The following RASAL1 variants were observed in gnomAD, a reference collection of about 807,000 sequenced individuals.
RASAL1 encodes the protein RAS protein activator like 1, also known as rasGAP-activating-like protein 1.
A neutral mutation model predicts 96.6 loss-of-function variants in RASAL1; 72 were observed. The ratio of observed to expected loss-of-function variants is 0.75; its 90% CI spans 0.62 to 0.91. The LOEUF is 0.91. RASAL1 is among the 40% of genes least tolerant of loss of function. The pLI is 0.00. For synonymous variants in RASAL1, 405 were observed against 430.4 expected (o/e 0.94, Z 0.73); for missense variants, 1,016 against 1,072.5 (o/e 0.95, Z 0.74).
Position 113,135,221 on chromosome 12 carries a change from G to C in RASAL1, c.65+177C>G, listed in dbSNP as rs542191028. ...TAACTCTAGGCGCCCCCCTCCCACC[G>C]GGACAGCCATGGGCATGCGGCCTCT... On this transcript the variant is annotated intron_variant, in intron 1 of 20. Coordinates refer to ENST00000548055, the MANE Select transcript of RASAL1 (RefSeq NM_001301202.2). This position sits in a 1 kb window ranked among gnomAD's most constrained non-coding sequence, Gnocchi z 5.7. Among the ~76,000 whole-genome samples the C allele has an allele frequency of 1.3e-5, 2 of 151,996 alleles. No homozygotes were observed. The highest frequency in any genetic ancestry group is 2.9e-5 in the Non-Finnish European group (2 of 67,974).
chr12:113,114,863 C>T lies in RASAL1; in HGVS notation c.1118G>A (p.Arg373His), dbSNP rs201565397. The change falls in exon 12 of 21, where the codon CGT becomes CAT. Residue 373 changes from arginine (R) to histidine (H), a missense_variant. By Grantham distance (29) the Arg-to-His change is conservative. Coordinates refer to ENST00000548055, the MANE Select transcript of RASAL1 (RefSeq NM_001301202.2). ...LHEVLKPVISRVFEEKKYMEL... is the reference protein window; with the variant it reads ...LHEVLKPVISHVFEEKKYMEL... ...CATGTACTTCTTCTCCTCAAAGACA[C>T]GGCTAATCACAGGCTTCAGGACCTC... The T allele has an allele frequency of 2.9e-5, 47 of 1,614,170 alleles. No homozygotes were observed. The highest frequency in any genetic ancestry group is 1.3e-4 in the African/African-American group (10 of 75,062).
intron 13 of RASAL1, among the ~76,000 whole-genome samples, chr12:113,110,448 T>C (rs1824277): frequency 0.11 from 16,854 of 151,996 alleles, 1,114 homozygotes; most frequent in Middle Eastern, 0.19. Flanking sequence ...TACGTAAGAG[T>C]TCATCTCACC....
At position 113,107,814 on chromosome 12, in the gene RASAL1, T is replaced by G. The variant is rs528160094; in HGVS notation, c.1512+271A>C. Reference sequence around the variant, plus strand: ...ATCTCAAGTTGTTGCCCTTTGCAAATGATGATCTAATTCATACTAAGGTGT... The same window carrying G: ...ATCTCAAGTTGTTGCCCTTTGCAAAGGATGATCTAATTCATACTAAGGTGT... On this transcript the variant is annotated intron_variant, in intron 14 of 20. Transcript: ENST00000548055. 2.0e-5 allele frequency among the ~76,000 whole-genome samples: 3 copies of G among 152,334 alleles called. No homozygotes were observed. In the East Asian group the frequency reaches 5.8e-4, roughly 29 times the overall value.
chr12:113,135,562 C>A lies in RASAL1; in HGVS notation c.-100G>T. ...ACCTGCTTCAAGCCTGGCTCCCTGC[C>A]TCGTGGTCCCAGTGCCGCCTGTCCG... is the stretch of plus-strand genomic sequence containing the variant. On this transcript the variant is annotated 5_prime_UTR_variant, in exon 1 of 21. It adds an upstream start codon to the 5' untranslated region. Transcript: ENST00000548055. This position sits in a 1 kb window ranked among gnomAD's most constrained non-coding sequence, Gnocchi z 5.7. 1 of 1,050,246 alleles carries A rather than the reference C, an allele frequency of 9.5e-7. No homozygotes were observed. Among genetic ancestry groups the A allele is most frequent in the Admixed American group, 2.2e-5 (1 of 45,940 alleles). 65.1% of individuals were successfully genotyped at this position (1,050,246 alleles called of 1,614,324 possible).
intron 8 of RASAL1, 103 bp downstream of exon 8, chr12:113,116,970 G>A (rs950068292): frequency 4.7e-6 from 4 of 843,378 alleles, no homozygotes; most frequent in Non-Finnish European, 7.2e-6. Context: ...TGCATGAAGT[G>A]GCATAGTGAT....
Position 113,129,402 on chromosome 12 carries a change from G to A in RASAL1, c.123-1224C>T, listed in dbSNP as rs1023892377. On this transcript the variant is annotated intron_variant, in intron 2 of 20. Transcript: ENST00000548055. This position sits in a 1 kb window ranked among gnomAD's most constrained non-coding sequence, Gnocchi z 5.0. ...AGGAAGGTGCCTGGTGGGAATGGGG[G>A]AGGGAGAGGGGCCAGGAGACAGGAG... Among the ~76,000 whole-genome samples the A allele has an allele frequency of 6.6e-6, 1 of 152,216 alleles. No homozygotes were observed.
chr12:113,104,310 G>T lies in RASAL1; in HGVS notation c.1831-12C>A. ...ATGGAGTGACACATCTGGGGAAGAG[G>T]ATTGTCGCTGCAGGATGGGCTGGGG... is the stretch of plus-strand genomic sequence containing the variant. On this transcript the variant is annotated splice_polypyrimidine_tract_variant and intron_variant, in intron 16 of 20. Transcript: ENST00000548055. 6.4e-7 allele frequency: 1 copy of T among 1,550,996 alleles called. No individual in the cohort carries two copies. The highest frequency in any genetic ancestry group is 1.2e-5 in the South Asian group (1 of 84,322).
Position 113,117,115 on chromosome 12 carries a change from C to A in RASAL1, c.689G>T (p.Trp230Leu), listed in dbSNP as rs749900472. 1 of 1,610,952 alleles carries A rather than the reference C, an allele frequency of 6.2e-7. No homozygotes were observed. The part of the protein sequence containing the change: ...KTLQQKPPKG[W>L]FRLLPFPRAE... ...TCTGGGAAAGGGCAGGAGGCGGAAC[C>A]AGCCTTTAGGTGGCTTCTGCTGGAG... Residue 230 changes from tryptophan to leucine, a missense_variant, in exon 8 of 21, where the codon TGG (tryptophan) becomes TTG (leucine). Coordinates refer to ENST00000548055, the MANE Select transcript of RASAL1 (RefSeq NM_001301202.2).
chr12:113,101,783 C>T, intron 19 of RASAL1, 106 bp downstream of exon 19: 1 of 1,416,388 alleles, frequency 7.1e-7, no homozygotes, highest in Non-Finnish European at 9.4e-7. Context: ...GGGGAATATC[C>T]ACCAACACAC....
At position 113,130,804 on chromosome 12, in the gene RASAL1, T is replaced by C. The variant is rs1951676739; in HGVS notation, c.122+81A>G. On this transcript the variant is annotated intron_variant, in intron 2 of 20. Transcript: ENST00000548055. The surrounding 1 kb of genome is among the most constrained non-coding windows in gnomAD (Gnocchi z 5.1). ...CCCTCAGGGTAAGCACTCCTTTAAA[T>C]GTGAATTCTTGGTCCCAGATTCCCC... The C allele has an allele frequency of 2.4e-6, 3 of 1,224,898 alleles. No homozygotes were observed. Among genetic ancestry groups the C allele is most frequent in the Non-Finnish European group, 3.5e-6 (3 of 856,632 alleles). The allele number at this position is 1,224,898 out of a possible 1,614,324, so 75.9% of individuals were successfully genotyped here.
At chr12:113,120,068 C>T (rs967511606) in intron 5 of RASAL1, among the ~76,000 whole-genome samples, 5 of 152,156 alleles carry the variant, frequency 3.3e-5, no homozygotes, top group African/African-American at 9.7e-5. Context: ...CATTGGTTGC[C>T]ATGACAACCC....
intron 12 of RASAL1, among the ~76,000 whole-genome samples, 157 bp downstream of exon 12, chr12:113,114,643 T>C (rs1038689234): frequency 1.3e-5 from 2 of 152,128 alleles, no homozygotes; most frequent in African/African-American, 2.4e-5. Flanking sequence ...CCTGATGGTT[T>C]AAGGGCTTGT....
Position 113,115,286 on chromosome 12 carries a change from T to A in RASAL1, c.1004-22A>T. The A allele has an allele frequency of 1.2e-6, 2 of 1,604,850 alleles. No individual in the cohort carries two copies. The highest frequency in any genetic ancestry group is 1.7e-6 in the Non-Finnish European group (2 of 1,171,780). On this transcript the variant is annotated intron_variant, in intron 10 of 20. Coordinates refer to ENST00000548055, the MANE Select transcript of RASAL1 (RefSeq NM_001301202.2). The surrounding 1 kb of genome is among the most constrained non-coding windows in gnomAD (Gnocchi z 4.1). The stretch of plus-strand genomic sequence containing the variant: ...TCCACTGGGAGGACAGGAGGAAGTG[T>A]TTGCTGGGATTTAGGGAGCTGAACC...
chr12:113,102,170 C>T (rs149779001), intron 18 of RASAL1, among the ~76,000 whole-genome samples, 161 bp from the exon 19 acceptor site: 2 of 151,962 alleles, frequency 1.3e-5, no homozygotes, highest in African/African-American at 4.8e-5. Context: ...AATCTCAGCA[C>T]TTTTGGAGGC....
Position 113,115,721 on chromosome 12 carries a change from G to A in RASAL1, c.917C>T (p.Ala306Val), listed in dbSNP as rs755232752. Residue 306 changes from alanine (A) to valine (V), a missense_variant, in exon 10 of 21, where the codon GCC becomes GTC. Coordinates refer to ENST00000548055, the MANE Select transcript of RASAL1 (RefSeq NM_001301202.2). The surrounding 1 kb of genome is among the most constrained non-coding windows in gnomAD (Gnocchi z 4.1). ...AAGAAAGAGTTTCACCAGCTTGGTG[G>A]CAAGGTCCTGGCGGCAGTCCCCCAA... ...LTLGDCRQDL[A>V]TKLVKLFLGR... is the part of the protein sequence containing the mutation. 2.5e-6 allele frequency: 4 copies of A among 1,614,158 alleles called. No individual in the cohort carries two copies. The highest frequency in any genetic ancestry group is 3.4e-6 in the Non-Finnish European group (4 of 1,180,030).
At chr12:113,136,715 A>G (rs1951928003), upstream of RASAL1, among the ~76,000 whole-genome samples, 1 of 152,244 alleles carries the variant, frequency 6.6e-6, no homozygotes, top group African/African-American at 2.4e-5. Context: ...TAATGAAGAT[A>G]AAAGTCTCAG....
chr12:113,105,202 C>T lies in RASAL1; in HGVS notation c.1830+512G>A, dbSNP rs939785516. On this transcript the variant is annotated intron_variant, in intron 16 of 20. Coordinates refer to ENST00000548055, the MANE Select transcript of RASAL1 (RefSeq NM_001301202.2). ...GGGGCATTCTAGTCATGAACGCCAG[C>T]CCCACAAGGGCAGGATTTTCACCTG... Among the ~76,000 whole-genome samples the T allele has an allele frequency of 1.3e-5, 2 of 152,382 alleles. 1 individual carries two copies. Among genetic ancestry groups the T allele is most frequent in the South Asian group, 4.1e-4 (2 of 4,828 alleles).
rs1452058584 is a variant in RASAL1 at position 113,130,470 on chromosome 12, C to G, written c.122+415G>C. Among the ~76,000 whole-genome samples the G allele has an allele frequency of 6.6e-6, 1 of 152,194 alleles. No individual in the cohort carries two copies. Among genetic ancestry groups the G allele is most frequent in the Non-Finnish European group, 1.5e-5 (1 of 68,012 alleles). ...CACACTAGCCCCGCAACATCCCCCA[C>G]CCCCTGCAACTCACAAGCAGGCCCA... is the stretch of plus-strand genomic sequence containing the variant. On this transcript the variant is annotated intron_variant, in intron 2 of 20. Coordinates refer to ENST00000548055, the MANE Select transcript of RASAL1 (RefSeq NM_001301202.2). This position sits in a 1 kb window ranked among gnomAD's most constrained non-coding sequence, Gnocchi z 5.1.
Position 113,130,015 on chromosome 12 carries a change from G to T in RASAL1, c.122+870C>A, listed in dbSNP as rs544382358. On this transcript the variant is annotated intron_variant, in intron 2 of 20. Coordinates refer to ENST00000548055, the MANE Select transcript of RASAL1 (RefSeq NM_001301202.2). This position sits in a 1 kb window ranked among gnomAD's most constrained non-coding sequence, Gnocchi z 5.1. ...AGGACAGTGGAGGGGAGTCAGTGGA[G>T]GGGGGAGCTACAGCTGACCCCTCCC... 6.6e-6 allele frequency among the ~76,000 whole-genome samples: 1 copy of T among 152,088 alleles called. No homozygotes were observed. Among genetic ancestry groups the T allele is most frequent in the East Asian group, 1.9e-4 (1 of 5,188 alleles).
Sources: allele counts gnomAD v4.1 joint callset (sites outside exome capture counted in the v4.1 genomes callset), GRCh38; gene constraint gnomAD v4.1.1; non-coding constraint Gnocchi (gnomAD v3.1); transcripts MANE v1.5; gene names NCBI Gene and HGNC (gene_info 2026-07-23, HGNC 2026-07-21).